Variants in DMD observed in about 807,000 individuals in gnomAD.
DMD encodes dystrophin.
Under a neutral mutation model 330.1 loss-of-function variants are expected in DMD, and 63 were observed. The ratio of observed to expected loss-of-function variants is 0.19; its 90% CI spans 0.16 to 0.24. DMD has a LOEUF of 0.24. Among genes scored for constraint, DMD ranks in the 10% least tolerant of loss-of-function variants. The pLI, the probability that DMD is intolerant of heterozygous loss-of-function variation, is 1.00. For missense variants in DMD, 3,344 were observed against 2,684.1 expected, an observed-to-expected ratio of 1.25 and a Z score of -5.43; for synonymous variants, 1,223 against 959.8, an observed-to-expected ratio of 1.27 and a Z score of -5.07.
chrX:32,152,564 A>G (rs1285532959), intron 44 of DMD, among the ~76,000 whole-genome samples: 1 of 111,419 alleles, frequency 9.0e-6, no homozygotes, highest in African/African-American at 3.3e-5. Flanking sequence ...ACATTTTTAT[A>G]CTCAACTTCA....
intron 55 of DMD, among the ~76,000 whole-genome samples, chrX:31,585,258 A>C (rs1251501766): frequency 2.1e-5 from 2 of 94,783 alleles, no homozygotes; most frequent in Non-Finnish European, 4.1e-5. Flanking sequence ...CAGGAGGTGG[A>C]GGTTGCAGTG....
At chrX:32,520,927 T>C (rs1299525445) in intron 17 of DMD, among the ~76,000 whole-genome samples, 1 of 106,034 alleles carries the variant, frequency 9.4e-6, no homozygotes, top group Non-Finnish European at 1.9e-5. Flanking sequence ...CTCTGGCCCA[T>C]CCTCTTTCTG....
chrX:32,336,360 A>T (rs2097715587), intron 41 of DMD, among the ~76,000 whole-genome samples: 1 of 111,850 alleles, frequency 8.9e-6, no homozygotes, highest in African/African-American at 3.3e-5. Flanking sequence ...TTTAATCTAC[A>T]AACAAGGTTA....
intron 19 of DMD, among the ~76,000 whole-genome samples, chrX:32,495,048 T>C (rs76752800): frequency 9.0e-6 from 1 of 111,548 alleles, no homozygotes; most frequent in Non-Finnish European, 1.9e-5. Context: ...TCATGTGAGA[T>C]TGAAGTTATA....
At chrX:32,652,199 A>G (rs1424304340) in intron 9 of DMD, among the ~76,000 whole-genome samples, 1 of 110,340 alleles carries the variant, frequency 9.1e-6, no homozygotes, top group Non-Finnish European at 1.9e-5. Context: ...GGTTTGTTAC[A>G]TATGTATACA....
At chrX:32,234,839 T>TCAAGTAATAACTCTG (rs2097181689) in intron 43 of DMD, among the ~76,000 whole-genome samples, 1 of 111,685 alleles carries the variant, frequency 9.0e-6, no homozygotes, top group African/African-American at 3.3e-5. Flanking sequence ...TATGGCCAAT[T>TCAAGTAATAACTCTG]CAAGTAATAA....
chrX:32,429,396 T>TTTTG (rs1300285431), intron 29 of DMD, among the ~76,000 whole-genome samples: 7 of 79,178 alleles, frequency 8.8e-5, no homozygotes, highest in Admixed American at 1.5e-4. Flanking sequence ...GGTTTTTTTT[T>TTTTG]TTTTTTTTTT....
intron 1 of DMD, among the ~76,000 whole-genome samples, chrX:33,161,531 C>A (rs183915510): frequency 1.6e-3 from 179 of 111,592 alleles, no homozygotes; most frequent in African/African-American, 5.5e-3. Context: ...TTAAACAACA[C>A]AACCAAATTT....
intron 23 of DMD, among the ~76,000 whole-genome samples, chrX:32,465,197 C>T (rs761287903): frequency 2.2e-3 from 248 of 111,939 alleles, no homozygotes; most frequent in Non-Finnish European, 3.6e-3. Context: ...AAAGACAGAG[C>T]TTTTGCTTTT....
At chrX:32,425,091 T>C (rs2098206208) in intron 29 of DMD, among the ~76,000 whole-genome samples, 1 of 111,976 alleles carries the variant, frequency 8.9e-6, no homozygotes, top group Non-Finnish European at 1.9e-5. Flanking sequence ...CTTCATTGGC[T>C]ACTACTGAGT....
At chrX:31,362,792 A>C (rs1237053489) in intron 60 of DMD, among the ~76,000 whole-genome samples, 2 of 112,181 alleles carry the variant, frequency 1.8e-5, no homozygotes, top group African/African-American at 6.5e-5. Flanking sequence ...AAAACACAAA[A>C]AAATTAAATT....
intron 1 of DMD, among the ~76,000 whole-genome samples, chrX:33,196,853 G>C (rs1161976850): frequency 9.0e-6 from 1 of 111,041 alleles, no homozygotes; most frequent in Non-Finnish European, 1.9e-5. Flanking sequence ...GGCTTGTCCA[G>C]GATTACTTGC....
intron 1 of DMD, among the ~76,000 whole-genome samples, chrX:33,171,918 C>G (rs1455793677): frequency 9.0e-6 from 1 of 110,895 alleles, no homozygotes; most frequent in Non-Finnish European, 1.9e-5. Flanking sequence ...AAAAGGATCT[C>G]TAAATATTCA....
chrX:32,730,478 C>T (rs192904677), intron 7 of DMD, among the ~76,000 whole-genome samples: 85 of 112,190 alleles, frequency 7.6e-4, no homozygotes, highest in African/African-American at 2.5e-3. Context: ...AAAAAGAGTA[C>T]TTCAACAGGA....
At chrX:32,919,109 G>C (rs1324968889) in intron 2 of DMD, among the ~76,000 whole-genome samples, 1 of 111,849 alleles carries the variant, frequency 8.9e-6, no homozygotes, top group Non-Finnish European at 1.9e-5. Flanking sequence ...AAAAAATAGA[G>C]AACCTTGTAG....
In DMD at chrX:31,344,340, C is replaced by T. The variant is rs185599935; in HGVS notation, c.9163+4216G>A. On this transcript the variant is annotated intron_variant, in intron 61 of 78. Transcript: ENST00000357033. ...TAAAAAGGATATTAGCCATAATGCT[C>T]GATATAATAAAGATTGTGAAATAAT... Among the ~76,000 whole-genome samples the T allele has an allele frequency of 1.2e-3, 135 of 110,993 alleles. 1 individual carries two copies. The highest frequency in any genetic ancestry group is 4.1e-3 in the African/African-American group (124 of 30,528).
chrX:32,094,087 G>A (rs1479544439), intron 44 of DMD, among the ~76,000 whole-genome samples: 2 of 111,802 alleles, frequency 1.8e-5, no homozygotes, highest in Non-Finnish European at 3.8e-5. Flanking sequence ...TTTGCAAGTT[G>A]TAAAATTTAC....
At chrX:32,840,866 T>C (rs774168180) in intron 4 of DMD, among the ~76,000 whole-genome samples, 38 of 112,113 alleles carry the variant, frequency 3.4e-4, no homozygotes, top group South Asian at 1.5e-3. Flanking sequence ...TTCTCACATA[T>C]ATATGTGTTT....
chrX:33,274,596 A>G (rs2053206856), intron 1 of DMD, among the ~76,000 whole-genome samples: 1 of 112,237 alleles, frequency 8.9e-6, no homozygotes, highest in African/African-American at 3.2e-5. Flanking sequence ...TTCATTAGCT[A>G]AAATAAGGTT....
Sources: allele counts gnomAD v4.1 joint callset (sites outside exome capture counted in the v4.1 genomes callset), GRCh38; gene constraint gnomAD v4.1.1; transcripts MANE v1.5; gene names NCBI Gene and HGNC (gene_info 2026-07-23, HGNC 2026-07-21).